CES5A: variants seen among roughly 807,000 people sequenced by gnomAD.
CES5A encodes the protein carboxylesterase 5A.
Under a neutral mutation model 62.9 loss-of-function variants are expected in CES5A, and 67 were observed. The ratio of observed to expected loss-of-function variants is 1.07; its 90% CI spans 0.88 to 1.31. The LOEUF (loss-of-function observed/expected upper bound fraction) is 1.31, where lower values mean the gene tolerates loss of function less well. Among genes scored for constraint, CES5A ranks in the 50% most tolerant of loss-of-function variants. The pLI is 0.00. For missense variants in CES5A, 748 were observed against 708.5 expected (o/e 1.06, Z -0.63); for synonymous variants, 296 against 280.8 (o/e 1.05, Z -0.54).
intron 3 of CES5A, 121 bp downstream of exon 3, chr16:55,871,504 A>T: frequency 9.0e-7 from 1 of 1,107,390 alleles, no homozygotes; most frequent in Non-Finnish European, 1.3e-6. Context: ...TGTTGATGTG[A>T]TTACATTTCC....
intron 1 of CES5A, among the ~76,000 whole-genome samples, chr16:55,914,669 T>TGGAC (rs1315940947): frequency 6.6e-6 from 1 of 152,178 alleles, no homozygotes; most frequent in Non-Finnish European, 1.5e-5. Flanking sequence ...GATAACTTTC[T>TGGAC]GGACTCTAAC....
At chr16:55,846,925 C>T in intron 11 of CES5A, 85 bp from the exon 12 acceptor site, 1 of 1,045,432 alleles carries the variant, frequency 9.6e-7, no homozygotes, top group East Asian at 2.4e-5. Context: ...ATCCTTTTCA[C>T]ACCCCTCCTC....
chr16:55,896,925 A>C (rs1407583122), intron 1 of CES5A, among the ~76,000 whole-genome samples: 1 of 152,240 alleles, frequency 6.6e-6, no homozygotes, highest in East Asian at 1.9e-4. Context: ...CCATGCCTTT[A>C]ACTCTTACTT....
At chr16:55,941,613 G>A (rs1028089712) in intron 2 of CES5A, among the ~76,000 whole-genome samples, 3 of 151,688 alleles carry the variant, frequency 2.0e-5, no homozygotes, top group Middle Eastern at 3.2e-3. Flanking sequence ...ATTGACAAGT[G>A]GACTTTCGAA....
intron 1 of CES5A, among the ~76,000 whole-genome samples, chr16:55,910,845 T>G (rs573662637): frequency 6.7e-6 from 1 of 148,816 alleles, no homozygotes; most frequent in South Asian, 2.4e-4. Flanking sequence ...ATCTTTGCCC[T>G]TGGGCTGCCA....
In CES5A at chr16:55,849,685, G is replaced by A. The variant is rs374208521; in HGVS notation, c.1362C>T (p.His454=). The change falls in exon 11 of 13, where the codon CAC becomes CAT. Residue 454 remains histidine, a synonymous_variant. Transcript: ENST00000290567. ...CGAACACAAAGCGGACTTCATCAGCGTGGTCGGCTTTGACAAAAGCTGGCT... is the reference window on the plus strand; with the variant it reads ...CGAACACAAAGCGGACTTCATCAGCATGGTCGGCTTTGACAAAAGCTGGCT... The part of the protein sequence containing the change: ...DTKPAFVKAD[H]ADEVRFVFGG... 48 of 1,613,988 alleles carry A rather than the reference G, an allele frequency of 3.0e-5. No individual in the cohort carries two copies. The highest frequency in any genetic ancestry group is 3.3e-4 in the Middle Eastern group (2 of 6,062).
intron 11 of CES5A, among the ~76,000 whole-genome samples, chr16:55,848,197 C>T (rs911468198): frequency 5.3e-5 from 8 of 152,132 alleles, no homozygotes; most frequent in South Asian, 2.1e-4. Context: ...GCCTCGAACT[C>T]GGGCTCAAGT....
chr16:55,956,021 C>G lies in CES5A; in HGVS notation c.-136G>C. ...AAATGAGTTCACCACTTTCCTCTAC[C>G]GTTGCCAGCTGGCTGCATTCTCAGG... On this transcript the variant is annotated 5_prime_UTR_variant, in exon 1 of 14. Coordinates refer to the CES5A transcript ENST00000521992. 5 of 924,802 alleles carry G rather than the reference C, an allele frequency of 5.4e-6. No homozygotes were observed. In the Middle Eastern group the frequency reaches 1.1e-3, roughly 210 times the overall value. 57.3% of individuals were successfully genotyped at this position (924,802 alleles called of 1,614,324 possible).
intron 1 of CES5A, among the ~76,000 whole-genome samples, chr16:55,896,823 C>G (rs975052150): frequency 1.3e-5 from 2 of 152,206 alleles, no homozygotes; most frequent in African/African-American, 4.8e-5. Flanking sequence ...TTAAATATCA[C>G]AAAACTGCTT....
At chr16:55,866,890 G>A (rs1176674454) in intron 4 of CES5A, among the ~76,000 whole-genome samples, 4 of 151,906 alleles carry the variant, frequency 2.6e-5, no homozygotes, top group African/African-American at 9.7e-5. Context: ...AATAACAGCA[G>A]CTGCAGCATG....
chr16:55,902,543 T>A (rs367857424), intron 1 of CES5A, among the ~76,000 whole-genome samples: 17 of 152,272 alleles, frequency 1.1e-4, no homozygotes, highest in African/African-American at 3.9e-4. Flanking sequence ...CCACTTTGGA[T>A]TCTTCTCCAT....
chr16:55,897,840 G>A (rs1186288649), intron 1 of CES5A, among the ~76,000 whole-genome samples: 1 of 152,210 alleles, frequency 6.6e-6, no homozygotes, highest in Non-Finnish European at 1.5e-5. Flanking sequence ...AAATGTAGTA[G>A]TAGGATAAAT....
At position 55,873,891 on chromosome 16, in the gene CES5A, T is replaced by G. The variant is rs2033645954; in HGVS notation, c.220A>C (p.Asn74His). Residue 74 changes from asparagine (N) to histidine (H), a missense_variant, in exon 2 of 13, where the codon AAC (asparagine) becomes CAC (histidine). Asn to His is a moderately conservative substitution (Grantham distance 68). Transcript: ENST00000290567. ...APPLGSLRFTNPQPASPWDNL... is the reference protein window; with the variant it reads ...APPLGSLRFTHPQPASPWDNL... ...TCCCAGGGCGATGCAGGCTGCGGGT[T>G]CGTAAATCGCAGGGATCCCAGCGGG... The G allele has an allele frequency of 1.9e-6, 3 of 1,613,644 alleles. No individual in the cohort carries two copies. Among genetic ancestry groups the G allele is most frequent in the African/African-American group, 2.7e-5 (2 of 74,922 alleles).
At chr16:55,950,466 T>C (rs909844355) in intron 1 of CES5A, among the ~76,000 whole-genome samples, 8 of 152,100 alleles carry the variant, frequency 5.3e-5, no homozygotes, top group African/African-American at 1.9e-4. Flanking sequence ...GTACTGAAAT[T>C]TTAAAAAATC....
chr16:55,872,109 T>C (rs1038366911), intron 2 of CES5A, among the ~76,000 whole-genome samples: 3 of 152,044 alleles, frequency 2.0e-5, no homozygotes, highest in Non-Finnish European at 1.5e-5. Flanking sequence ...TTCCCCAAAC[T>C]GTAGAGGGCA....
intron 1 of CES5A, among the ~76,000 whole-genome samples, chr16:55,918,904 C>G (rs1417400311): frequency 1.3e-5 from 2 of 152,202 alleles, no homozygotes; most frequent in Admixed American, 1.3e-4. Context: ...CACTTCCCCA[C>G]CCCTACAAAT....
At position 55,873,988 on chromosome 16, in the gene CES5A, C is replaced by T; in HGVS notation, c.123G>A (p.Gln41=). ...PQRNTRLGWI[Q]GKQVTVLGSP... ...TTCCCAGCACAGTGACTTGCTTGCC[C>T]TGAATCCATCCCAGCCTGGTGTTCC... Residue 41 remains glutamine, a synonymous_variant, in exon 2 of 13, where the codon CAG becomes CAA. Coordinates refer to ENST00000290567, the MANE Select transcript of CES5A (RefSeq NM_001143685.2). 1 of 1,611,958 alleles carries T rather than the reference C, an allele frequency of 6.2e-7. No individual in the cohort carries two copies. Among genetic ancestry groups the T allele is most frequent in the Non-Finnish European group, 8.5e-7 (1 of 1,179,356 alleles).
chr16:55,877,818 A>C (rs1420713810), upstream of CES5A, among the ~76,000 whole-genome samples: 1 of 152,214 alleles, frequency 6.6e-6, no homozygotes, highest in Non-Finnish European at 1.5e-5. Flanking sequence ...TACTGGTCCA[A>C]TATCACAAAG....
rs201392502 is a variant in CES5A at position 55,859,701 on chromosome 16, GA to G, written c.916-15del. On this transcript the variant is annotated splice_polypyrimidine_tract_variant and intron_variant, in intron 7 of 12. Coordinates refer to ENST00000290567, the MANE Select transcript of CES5A (RefSeq NM_001143685.2). Reference sequence around the variant, plus strand: ...AGACTTTGTTTTCTGTAATAAGGAAGAAAAAAAAATCATCAGCTATCATCAG... The same window carrying G: ...AGACTTTGTTTTCTGTAATAAGGAAGAAAAAAAATCATCAGCTATCATCAG... 4.7e-5 allele frequency: 74 copies of G among 1,574,086 alleles called. No homozygotes were observed. Among genetic ancestry groups the G allele is most frequent in the African/African-American group, 1.8e-4 (13 of 72,260 alleles).
Sources: gnomAD v4.1 joint callset for allele counts (sites outside exome capture counted in the v4.1 genomes callset) on GRCh38, gnomAD v4.1.1 for gene constraint, MANE v1.5 for transcripts, NCBI Gene and HGNC (gene_info 2026-07-23, HGNC 2026-07-21) for gene names.